Variants in XKR4 observed in about 807,000 individuals in gnomAD.
XKR4 encodes the protein XK-related protein 4.
Under a neutral mutation model 53.9 loss-of-function variants are expected in XKR4, and 12 were observed. The ratio of observed to expected loss-of-function variants is 0.22; its 90% CI spans 0.14 to 0.36. XKR4 has a LOEUF of 0.36. XKR4 is among the 10% of genes least tolerant of loss of function. XKR4 has a pLI of 1.00. For missense variants in XKR4, 799 were observed against 859.5 expected, an observed-to-expected ratio of 0.93 and a Z score of 0.88; for synonymous variants, 354 against 362.4, an observed-to-expected ratio of 0.98 and a Z score of 0.26.
chr8:55,482,353 A>T (rs1806123149), intron 2 of XKR4, among the ~76,000 whole-genome samples: 1 of 152,150 alleles, frequency 6.6e-6, no homozygotes, highest in African/African-American at 2.4e-5. Context: ...CAATGAGAAC[A>T]CATGGACACA....
chr8:55,342,969 G>A (rs912077635), intron 1 of XKR4, among the ~76,000 whole-genome samples: 1 of 152,212 alleles, frequency 6.6e-6, no homozygotes, highest in Non-Finnish European at 1.5e-5. Context: ...TTGAATGAAA[G>A]AGTAGAATGA....
intron 2 of XKR4, among the ~76,000 whole-genome samples, chr8:55,505,630 C>T (rs1334939589): frequency 6.6e-6 from 1 of 152,182 alleles, no homozygotes; most frequent in Non-Finnish European, 1.5e-5. Context: ...TTACAGATTT[C>T]CCTCTGCTAT....
At chr8:55,309,573 G>C (rs980563526) in intron 1 of XKR4, among the ~76,000 whole-genome samples, 3 of 152,168 alleles carry the variant, frequency 2.0e-5, no homozygotes, top group Non-Finnish European at 4.4e-5. Context: ...ACACAAATAA[G>C]TACAAGTGAA....
intron 2 of XKR4, among the ~76,000 whole-genome samples, chr8:55,477,958 G>A (rs1806027101): frequency 6.6e-6 from 1 of 152,122 alleles, no homozygotes; most frequent in South Asian, 2.1e-4. Context: ...TGGGGAGAAT[G>A]CAACCAAGTT....
At chr8:55,275,733 A>C (rs1360038638) in intron 1 of XKR4, among the ~76,000 whole-genome samples, 1 of 152,206 alleles carries the variant, frequency 6.6e-6, no homozygotes, top group African/African-American at 2.4e-5. Flanking sequence ...AAAATTTCCA[A>C]AGGGTCCACT....
At chr8:55,424,757 A>C (rs1434948572) in intron 2 of XKR4, among the ~76,000 whole-genome samples, 1 of 152,188 alleles carries the variant, frequency 6.6e-6, no homozygotes, top group Non-Finnish European at 1.5e-5. Context: ...TGAAATAGGT[A>C]TTTGTTGATG....
At chr8:55,498,754 C>G (rs1485776172) in intron 2 of XKR4, among the ~76,000 whole-genome samples, 1 of 152,070 alleles carries the variant, frequency 6.6e-6, no homozygotes, top group Non-Finnish European at 1.5e-5. Context: ...CCCTGGGCAA[C>G]AGAATGAGAC....
chr8:55,170,008 T>C (rs1375370654), intron 1 of XKR4, among the ~76,000 whole-genome samples: 1 of 152,198 alleles, frequency 6.6e-6, no homozygotes, highest in Non-Finnish European at 1.5e-5. Context: ...TAAAATAACT[T>C]AGTTATTTCA....
chr8:55,161,044 A>C (rs994955362), intron 1 of XKR4, among the ~76,000 whole-genome samples: 1 of 152,112 alleles, frequency 6.6e-6, no homozygotes, highest in Non-Finnish European at 1.5e-5. Context: ...CTTTAATCCA[A>C]ATCAGACCTG....
In XKR4 at chr8:55,524,139, C is replaced by A; in HGVS notation, c.1865C>A (p.Ala622Asp). Reference protein sequence around the residue: ...LDRSLRKAILAFECSPSPPRL... With the variant: ...LDRSLRKAILDFECSPSPPRL... Reference sequence around the variant, plus strand: ...CGAAGCCTCCGAAAGGCTATTTTAGCTTTTGAATGTTCCCCATCTCCTCCA... The same window carrying A: ...CGAAGCCTCCGAAAGGCTATTTTAGATTTTGAATGTTCCCCATCTCCTCCA... The change falls in exon 3 of 3, where the codon GCT becomes GAT. Residue 622 changes from alanine to aspartate, a missense_variant. Around this residue, in one of 3 missense-constraint regions of XKR4, gnomAD observed 269 missense variants for 264.4 expected, o/e 1.02. Transcript: ENST00000327381. 6.2e-7 allele frequency: 1 copy of A among 1,614,232 alleles called. No individual in the cohort carries two copies. The highest frequency in any genetic ancestry group is 8.5e-7 in the Non-Finnish European group (1 of 1,180,050).
chr8:55,306,040 G>C (rs893602663), intron 1 of XKR4, among the ~76,000 whole-genome samples: 2 of 152,176 alleles, frequency 1.3e-5, no homozygotes, highest in Non-Finnish European at 2.9e-5. Context: ...TCAGGTGAAA[G>C]ATAAGATTTA....
intron 2 of XKR4, among the ~76,000 whole-genome samples, chr8:55,391,886 G>T (rs537983795): frequency 1.3e-5 from 2 of 152,064 alleles, no homozygotes; most frequent in Non-Finnish European, 2.9e-5. Flanking sequence ...AAATAGAGAC[G>T]CAAAGAAGAT....
At chr8:55,442,111 A>G (rs1444455807) in intron 2 of XKR4, among the ~76,000 whole-genome samples, 6 of 152,162 alleles carry the variant, frequency 3.9e-5, no homozygotes, top group Admixed American at 2.6e-4. Context: ...ATGATCAAAA[A>G]TTTAAGAGGA....
rs1260310464 is a variant in XKR4 at position 55,530,611 on chromosome 8, C to G, written c.*6384C>G. 2 of 151,930 alleles carry G rather than the reference C, an allele frequency of 1.3e-5. No individual in the cohort carries two copies. Among genetic ancestry groups the G allele is most frequent in the South Asian group, 2.1e-4 (1 of 4,802 alleles). 9.4% of individuals were successfully genotyped at this position (151,930 alleles called of 1,614,324 possible). On this transcript the variant is annotated 3_prime_UTR_variant, in exon 3 of 3. Transcript: ENST00000327381. ...ATAATAAACCAAAAATTTTCTCAAC[C>G]CTGGTGTTTATTTTTAAAAAATCTT... is the stretch of plus-strand genomic sequence containing the variant.
intron 1 of XKR4, among the ~76,000 whole-genome samples, chr8:55,120,313 T>G (rs539459037): frequency 6.6e-6 from 1 of 152,328 alleles, no homozygotes; most frequent in East Asian, 1.9e-4. Flanking sequence ...GTTTTGAGTT[T>G]AAGTAGGGCT....
intron 1 of XKR4, among the ~76,000 whole-genome samples, chr8:55,185,564 G>A (rs562345726): frequency 8.5e-5 from 13 of 152,146 alleles, no homozygotes; most frequent in Admixed American, 2.0e-4. Context: ...TAGACTAATA[G>A]TAATGAAACA....
At chr8:55,288,817 A>G (rs1353613326) in intron 1 of XKR4, among the ~76,000 whole-genome samples, 1 of 152,198 alleles carries the variant, frequency 6.6e-6, no homozygotes, top group Non-Finnish European at 1.5e-5. Flanking sequence ...GCCACACTCA[A>G]TTCCCTCCAT....
At chr8:55,193,192 A>G (rs1817466203) in intron 1 of XKR4, among the ~76,000 whole-genome samples, 1 of 151,930 alleles carries the variant, frequency 6.6e-6, no homozygotes, top group African/African-American at 2.4e-5. Context: ...GAGAAGAATG[A>G]TTTGCTTTCT....
chr8:55,232,888 C>A (rs1182522018), intron 1 of XKR4, among the ~76,000 whole-genome samples: 10 of 152,158 alleles, frequency 6.6e-5, no homozygotes, highest in Non-Finnish European at 4.4e-5. Context: ...TTGGTCTCTT[C>A]CACTCTCTCT....
Sources: allele counts gnomAD v4.1 joint callset (sites outside exome capture counted in the v4.1 genomes callset), GRCh38; gene constraint gnomAD v4.1.1; regional missense constraint gnomAD v4.1.1; transcripts MANE v1.5; gene names NCBI Gene and HGNC (gene_info 2026-07-23, HGNC 2026-07-21).